The following TTC39C variants were observed in gnomAD, a reference collection of about 807,000 sequenced individuals.
TTC39C encodes tetratricopeptide repeat protein 39C.
Under a neutral mutation model 76.3 loss-of-function variants are expected in TTC39C, and 33 were observed. The observed-to-expected ratio is 0.43, with a 90% confidence interval of 0.33 to 0.58. TTC39C has a LOEUF of 0.58. Ranked by LOEUF, TTC39C falls within the 20% of genes least tolerant of loss-of-function variation. The probability of loss-of-function intolerance (pLI) is 0.04; values close to 1 mark genes in which losing one functional copy is unlikely to be tolerated. For synonymous variants in TTC39C, 254 were observed against 260.6 expected (o/e 0.97, Z 0.24); for missense variants, 595 against 701.4 (o/e 0.85, Z 1.71).
intron 1 of TTC39C, among the ~76,000 whole-genome samples, chr18:24,005,989 G>C (rs1465169882): frequency 6.6e-6 from 1 of 150,760 alleles, no homozygotes; most frequent in Non-Finnish European, 1.5e-5. Flanking sequence ...GCCTTCCTTA[G>C]GGTAAGTGAG....
At chr18:24,060,286 C>T (rs796359204) in intron 1 of TTC39C, among the ~76,000 whole-genome samples, 3 of 147,450 alleles carry the variant, frequency 2.0e-5, no homozygotes, top group African/African-American at 7.5e-5. Flanking sequence ...GAGACGGTAC[C>T]TTATTGTGGT....
At chr18:24,082,669 C>G (rs2084391227) in intron 5 of TTC39C, among the ~76,000 whole-genome samples, 1 of 152,194 alleles carries the variant, frequency 6.6e-6, no homozygotes, top group Non-Finnish European at 1.5e-5. Flanking sequence ...CTAAATGCTC[C>G]TGTTACTTTA....
Position 24,132,649 on chromosome 18 carries a change from T to A in TTC39C, c.*75T>A. On this transcript the variant is annotated 3_prime_UTR_variant, in exon 14 of 14. Transcript: ENST00000317571. ...AAAATAAAAGCAGAGGACAAAGCTC[T>A]TGTGAAGATGGGCTTTTCTTCTGAA... 7.8e-7 allele frequency: 1 copy of A among 1,278,180 alleles called. No individual in the cohort carries two copies. Among genetic ancestry groups the A allele is most frequent in the South Asian group, 1.4e-5 (1 of 72,006 alleles). 79.2% of individuals were successfully genotyped at this position (1,278,180 alleles called of 1,614,324 possible). A position where few individuals can be genotyped will look rare whatever the true frequency, so the allele number is the denominator to read the frequency against.
intron 1 of TTC39C, among the ~76,000 whole-genome samples, chr18:24,047,067 G>A (rs930866676): frequency 4.0e-5 from 6 of 151,702 alleles, no homozygotes; most frequent in Non-Finnish European, 8.8e-5. Context: ...TTCTTAAGAA[G>A]ATATACATTT....
intron 6 of TTC39C, chr18:24,114,015 C>T (rs2145808644): frequency 6.2e-6 from 2 of 325,010 alleles, no homozygotes; most frequent in East Asian, 8.0e-5. Context: ...GTGAAGAGCT[C>T]ACTGAGAACT....
intron 1 of TTC39C, among the ~76,000 whole-genome samples, chr18:24,002,356 G>C (rs964011997): frequency 6.6e-6 from 1 of 152,124 alleles, no homozygotes; most frequent in Admixed American, 6.6e-5. Context: ...AAAGAAGTGG[G>C]GTGGGATCCA....
chr18:24,068,325 C>T (rs1482854059), intron 3 of TTC39C, among the ~76,000 whole-genome samples: 1 of 152,170 alleles, frequency 6.6e-6, no homozygotes, highest in African/African-American at 2.4e-5. Flanking sequence ...TTTGAAACAA[C>T]AGTGACCACG....
intron 4 of TTC39C, among the ~76,000 whole-genome samples, chr18:24,078,466 A>G (rs1332435690): frequency 3.3e-5 from 5 of 152,004 alleles, no homozygotes; most frequent in Non-Finnish European, 5.9e-5. Context: ...TCCTAATTTT[A>G]TTGTGGATAT....
At chr18:23,999,610 G>A (rs1006960033) in intron 1 of TTC39C, among the ~76,000 whole-genome samples, 7 of 43,854 alleles carry the variant, frequency 1.6e-4, no homozygotes, top group Admixed American at 2.6e-4. Flanking sequence ...CCGGTGCCCT[G>A]TGCTAGGGCC....
At chr18:24,127,291 C>T (rs779906973) in intron 10 of TTC39C, among the ~76,000 whole-genome samples, 1 of 152,248 alleles carries the variant, frequency 6.6e-6, no homozygotes, top group South Asian at 2.1e-4. Flanking sequence ...AGTTATGTTC[C>T]AGAAAACAGC....
intron 1 of TTC39C, among the ~76,000 whole-genome samples, chr18:24,048,857 T>C (rs977448919): frequency 6.6e-6 from 1 of 152,168 alleles, no homozygotes; most frequent in Non-Finnish European, 1.5e-5. Flanking sequence ...GGTAGAAAAA[T>C]AGATTTGTTA....
rs1461618804 is a variant in TTC39C, at chr18:24,134,559, G to GC, written c.*1987dup. On this transcript the variant is annotated 3_prime_UTR_variant, in exon 14 of 14. Coordinates refer to ENST00000317571, the MANE Select transcript of TTC39C (RefSeq NM_001135993.2). The stretch of plus-strand genomic sequence containing the variant: ...CAAAGAGCTGGGATTACTGGTGTGA[G>GC]CCACCGTGCCCGGCCTGGACATCTG... 6.6e-6 allele frequency: 1 copy of GC among 152,128 alleles called. No individual in the cohort carries two copies. Among genetic ancestry groups the GC allele is most frequent in the Non-Finnish European group, 1.5e-5 (1 of 68,042 alleles). 9.4% of individuals were successfully genotyped at this position (152,128 alleles called of 1,614,324 possible).
chr18:23,997,057 C>T (rs1275197686), intron 1 of TTC39C, among the ~76,000 whole-genome samples: 8 of 151,714 alleles, frequency 5.3e-5, no homozygotes, highest in African/African-American at 1.5e-4. Context: ...TACAGTGAGC[C>T]GAGATCGCAC....
At chr18:24,121,226 A>G (rs57320188) in intron 8 of TTC39C, among the ~76,000 whole-genome samples, 5,670 of 152,282 alleles carry the variant, frequency 0.037, 328 homozygotes, top group African/African-American at 0.13. Flanking sequence ...TTTAGGCCTC[A>G]TATTTTAGGA....
chr18:24,059,329 C>G (rs953778762), intron 1 of TTC39C, among the ~76,000 whole-genome samples: 3 of 152,142 alleles, frequency 2.0e-5, no homozygotes, highest in East Asian at 1.9e-4. Flanking sequence ...AAGCCTAGTA[C>G]TAATTTTTTA....
Position 24,053,902 on chromosome 18 carries a change from G to A in TTC39C, c.168-10238G>A, listed in dbSNP as rs76646757. 1.7e-3 allele frequency among the ~76,000 whole-genome samples: 259 copies of A among 152,212 alleles called. 11 individuals carry two copies. In the East Asian group the frequency reaches 0.045, roughly 26 times the overall value. On this transcript the variant is annotated intron_variant, in intron 1 of 13. Coordinates refer to ENST00000317571, the MANE Select transcript of TTC39C (RefSeq NM_001135993.2). Reference sequence around the variant, plus strand: ...CTTTTTGATTTTTCTTGGCACAGTGGGGGAGGAGTTAGCTAAGTAGAGAGA... The same window carrying A: ...CTTTTTGATTTTTCTTGGCACAGTGAGGGAGGAGTTAGCTAAGTAGAGAGA...
chr18:24,002,537 G>A (rs1450612496), intron 1 of TTC39C, among the ~76,000 whole-genome samples: 1 of 152,184 alleles, frequency 6.6e-6, no homozygotes, highest in African/African-American at 2.4e-5. Context: ...CGTGCAAGAT[G>A]GGAGCTAGTA....
At position 24,066,091 on chromosome 18, in the gene TTC39C, G is replaced by A; in HGVS notation, c.296G>A (p.Ser99Asn). 1.3e-6 allele frequency: 2 copies of A among 1,598,936 alleles called. No individual in the cohort carries two copies. The highest frequency in any genetic ancestry group is 2.3e-5 in the East Asian group (1 of 44,438). The change falls in exon 3 of 14, where the codon AGT (serine) becomes AAT (asparagine). Residue 99 changes from serine to asparagine, a missense_variant. Physicochemically the swap from Ser to Asn is conservative, Grantham distance 46. Coordinates refer to ENST00000317571, the MANE Select transcript of TTC39C (RefSeq NM_001135993.2). ...DLKTTEKLCE[S>N]EEAGVIETIK... ...AAAACCACAGAAAAACTGTGTGAAA[G>A]TGAAGAGGCTGGAGTAATTGAAACA...
rs749631493 is a variant in TTC39C at position 24,128,986 on chromosome 18, A to G, written c.1518+3A>G. 6.2e-7 allele frequency: 1 copy of G among 1,611,750 alleles called. No homozygotes were observed. Among genetic ancestry groups the G allele is most frequent in the Non-Finnish European group, 8.5e-7 (1 of 1,178,524 alleles). On this transcript the variant is annotated splice_donor_region_variant and intron_variant, in intron 11 of 13. Coordinates refer to ENST00000317571, the MANE Select transcript of TTC39C (RefSeq NM_001135993.2). The stretch of plus-strand genomic sequence containing the variant: ...GAAACTCAGAAGATGCTGTTCAGGT[A>G]AACTGTTAATGTTGTCAGGGCTAAA...
Sources: allele counts gnomAD v4.1 joint callset (sites outside exome capture counted in the v4.1 genomes callset), GRCh38; gene constraint gnomAD v4.1.1; transcripts MANE v1.5; gene names NCBI Gene and HGNC (gene_info 2026-07-23, HGNC 2026-07-21).